Variants in CDKL2 observed in about 807,000 individuals in gnomAD.
The protein encoded by CDKL2 is cyclin-dependent kinase-like 2.
Under a neutral mutation model 63.9 loss-of-function variants are expected in CDKL2, and 64 were observed. That is an observed-to-expected ratio of 1.00 (90% CI 0.82 to 1.23). The LOEUF (loss-of-function observed/expected upper bound fraction) is 1.23, where lower values mean the gene tolerates loss of function less well. Ranked by LOEUF, CDKL2 falls within the 50% of genes most tolerant of loss-of-function variation. CDKL2 has a pLI of 0.00. For missense variants in CDKL2, 656 were observed against 668.0 expected, an observed-to-expected ratio of 0.98 and a Z score of 0.20; for synonymous variants, 211 against 229.2, an observed-to-expected ratio of 0.92 and a Z score of 0.72.
intron 7 of CDKL2, 92 bp from the exon 8 acceptor site, chr4:75,598,304 T>C: frequency 1.5e-6 from 1 of 688,384 alleles, no homozygotes; most frequent in Non-Finnish European, 2.2e-6. Flanking sequence ...AAAAATTGAA[T>C]GTTAAACTAG....
intron 1 of CDKL2, among the ~76,000 whole-genome samples, chr4:75,627,731 C>CTTTTTTTTTTTTTTTTTTT (rs57328528): frequency 1.7e-4 from 15 of 85,986 alleles, no homozygotes; most frequent in South Asian, 4.0e-4. Context: ...CTTTTTTTTT[C>CTTTTTTTTTTTTTTTTTTT]TTTTTTTTTT....
At chr4:75,616,953 G>A (rs564380452) in intron 2 of CDKL2, among the ~76,000 whole-genome samples, 7 of 152,196 alleles carry the variant, frequency 4.6e-5, no homozygotes, top group South Asian at 4.1e-4. Context: ...GGGGCCTACC[G>A]GAGGGCAAAG....
chr4:75,595,846 T>C (rs1003916046), intron 10 of CDKL2, among the ~76,000 whole-genome samples: 2 of 151,576 alleles, frequency 1.3e-5, no homozygotes, highest in African/African-American at 4.9e-5. Context: ...GGAGAATCAC[T>C]TGAACCCAGG....
At chr4:75,603,783 CCT>C in intron 6 of CDKL2, 32 bp downstream of exon 6, 2 of 1,507,258 alleles carry the variant, frequency 1.3e-6, no homozygotes, top group Non-Finnish European at 1.8e-6. Context: ...GCATAAATTC[CCT>C]GTCATAAAGT....
At chr4:75,629,045 C>A (rs1221886796) in intron 1 of CDKL2, among the ~76,000 whole-genome samples, 1 of 151,814 alleles carries the variant, frequency 6.6e-6, no homozygotes, top group Non-Finnish European at 1.5e-5. Flanking sequence ...ACCTTCTATT[C>A]CACTTCCATT....
chr4:75,612,969 A>T (rs886957152), intron 3 of CDKL2, among the ~76,000 whole-genome samples: 6 of 152,166 alleles, frequency 3.9e-5, no homozygotes, highest in African/African-American at 1.2e-4. Flanking sequence ...CTAAAAATAT[A>T]AAAAAATTCT....
In CDKL2 at chr4:75,598,117, T is replaced by C. The variant is rs200524804; in HGVS notation, c.980A>G (p.Asp327Gly). The C allele has an allele frequency of 6.7e-5, 104 of 1,555,154 alleles. No individual in the cohort carries two copies. The highest frequency in any genetic ancestry group is 8.2e-5 in the Non-Finnish European group (94 of 1,141,060). ...SQNRKKEKEKDDSLVEERKTL... is the reference protein window; with the variant it reads ...SQNRKKEKEKGDSLVEERKTL... The stretch of plus-strand genomic sequence containing the variant: ...TTTTCTTTCTTCAACTAAGGAATCA[T>C]CTTTTTCTTTTTCCTTCTTTCTGTT... Residue 327 changes from aspartate (D) to glycine (G), a missense_variant, in exon 8 of 14, where the codon GAT (aspartate) becomes GGT (glycine). Physicochemically the swap from Asp to Gly is moderately conservative, Grantham distance 94. Coordinates refer to ENST00000307465, the MANE Select transcript of CDKL2 (RefSeq NM_001330724.2).
intron 3 of CDKL2, among the ~76,000 whole-genome samples, chr4:75,611,931 G>C (rs933186363): frequency 2.6e-5 from 4 of 151,438 alleles, no homozygotes; most frequent in Non-Finnish European, 5.9e-5. Context: ...TGGAATTACA[G>C]GCGTGAGCCA....
intron 6 of CDKL2, among the ~76,000 whole-genome samples, chr4:75,603,491 G>A (rs62320985): frequency 0.24 from 35,525 of 149,928 alleles, 4,559 homozygotes; most frequent in Middle Eastern, 0.36. Flanking sequence ...AGCACTTTGG[G>A]AGGCCGAGGC....
intron 12 of CDKL2, among the ~76,000 whole-genome samples, chr4:75,582,914 C>T (rs1323468198): frequency 6.6e-6 from 1 of 152,022 alleles, no homozygotes; most frequent in Non-Finnish European, 1.5e-5. Flanking sequence ...AAAACAAAAA[C>T]AAAAATATGT....
chr4:75,599,150 G>A (rs1441737090), intron 7 of CDKL2, among the ~76,000 whole-genome samples: 2 of 152,094 alleles, frequency 1.3e-5, no homozygotes, highest in African/African-American at 4.8e-5. Context: ...TATTACAAAA[G>A]CATGCATGGG....
At chr4:75,601,616 C>A (rs1729194152) in intron 6 of CDKL2, among the ~76,000 whole-genome samples, 1 of 152,040 alleles carries the variant, frequency 6.6e-6, no homozygotes, top group African/African-American at 2.4e-5. Context: ...TTTCTATTTT[C>A]TTTTCCGTTT....
At chr4:75,629,798 G>T (rs1270242618) in intron 1 of CDKL2, among the ~76,000 whole-genome samples, 1 of 151,784 alleles carries the variant, frequency 6.6e-6, no homozygotes, top group Admixed American at 6.6e-5. Flanking sequence ...ACTTAGCCGG[G>T]CGTGGTGGTG....
At chr4:75,597,309 A>G in intron 8 of CDKL2, 73 bp from the exon 9 acceptor site, 1 of 904,074 alleles carries the variant, frequency 1.1e-6, no homozygotes, top group South Asian at 1.7e-5. Context: ...CTTATAAAGT[A>G]CTTGTCAACT....
At chr4:75,596,426 T>C in intron 9 of CDKL2, 86 bp from the exon 10 acceptor site, 1 of 770,476 alleles carries the variant, frequency 1.3e-6, no homozygotes, top group Non-Finnish European at 2.3e-6. Flanking sequence ...CAGCACCAAC[T>C]AACAAGCAGT....
intron 12 of CDKL2, among the ~76,000 whole-genome samples, chr4:75,591,194 T>C (rs1249299168): frequency 6.6e-6 from 1 of 152,196 alleles, no homozygotes; most frequent in East Asian, 1.9e-4. Flanking sequence ...TGTTTATTAC[T>C]TTGGAGTTAA....
rs1728731759 is a variant in CDKL2 at position 75,591,928 on chromosome 4, A to G, written c.1541-3T>C. 2 of 1,532,312 alleles carry G rather than the reference A, an allele frequency of 1.3e-6. No individual in the cohort carries two copies. The highest frequency in any genetic ancestry group is 1.4e-5 in the African/African-American group (1 of 72,984). 94.9% of individuals were successfully genotyped at this position (1,532,312 alleles called of 1,614,324 possible). ...CTTTGTTAGCCTGGAATTTCGAGCT[A>G]GATAGAAATGACCATAAACACAGTG... On this transcript the variant is annotated splice_polypyrimidine_tract_variant and splice_region_variant and intron_variant, in intron 11 of 13. Coordinates refer to ENST00000307465, the MANE Select transcript of CDKL2 (RefSeq NM_001330724.2).
At chr4:75,624,577 G>A (rs1308587593) in intron 2 of CDKL2, among the ~76,000 whole-genome samples, 2 of 151,816 alleles carry the variant, frequency 1.3e-5, no homozygotes, top group African/African-American at 4.8e-5. Flanking sequence ...ACGACCGGGT[G>A]TGGTGGCTCA....
rs1478694023 is a variant in CDKL2 at position 75,605,646 on chromosome 4, G to A, written c.543-12C>T. The stretch of plus-strand genomic sequence containing the variant: ...ACACATCAACAGCCCTGAAAGAAAA[G>A]CAATGTGGTGTAAAATCTGGCATCC... On this transcript the variant is annotated splice_polypyrimidine_tract_variant and intron_variant, in intron 4 of 13. Coordinates refer to ENST00000307465, the MANE Select transcript of CDKL2 (RefSeq NM_001330724.2). The A allele has an allele frequency of 6.4e-7, 1 of 1,572,786 alleles. No homozygotes were observed. Among genetic ancestry groups the A allele is most frequent in the Non-Finnish European group, 8.7e-7 (1 of 1,143,008 alleles).
Sources: gnomAD v4.1 joint callset for allele counts (sites outside exome capture counted in the v4.1 genomes callset) on GRCh38, gnomAD v4.1.1 for gene constraint, MANE v1.5 for transcripts, NCBI Gene and HGNC (gene_info 2026-07-23, HGNC 2026-07-21) for gene names.